GRK5: variants seen among roughly 807,000 people sequenced by gnomAD.
The protein encoded by GRK5 is g protein-coupled receptor kinase GRK5.
Under a neutral mutation model 78.4 loss-of-function variants are expected in GRK5, and 40 were observed. That is an observed-to-expected ratio of 0.51 (90% confidence interval 0.40 to 0.66). GRK5 has a LOEUF of 0.66. GRK5 is among the 30% of genes least tolerant of loss of function. The pLI is 0.00. For synonymous variants in GRK5, 289 were observed against 296.8 expected (o/e 0.97, Z 0.27); for missense variants, 598 against 759.9 (o/e 0.79, Z 2.50).
intron 2 of GRK5, among the ~76,000 whole-genome samples, chr10:119,369,314 G>A (rs890555773): frequency 2.6e-5 from 4 of 152,208 alleles, no homozygotes; most frequent in Non-Finnish European, 5.9e-5. Flanking sequence ...GCGGAGCACA[G>A]GTGAGGAAAG....
chr10:119,424,178 TTGGTTGG>T (rs1202624376), intron 5 of GRK5, among the ~76,000 whole-genome samples: 2 of 152,174 alleles, frequency 1.3e-5, no homozygotes, highest in Non-Finnish European at 2.9e-5. Context: ...GGGTGGGGTC[TTGGTTGG>T]TGACTCTGAC....
chr10:119,431,321 C>T lies in GRK5; in HGVS notation c.598-66C>T. On this transcript the variant is annotated intron_variant, in intron 7 of 15. Coordinates refer to ENST00000392870, the MANE Select transcript of GRK5 (RefSeq NM_005308.3). The surrounding 1 kb of genome is among the most constrained non-coding windows in gnomAD (Gnocchi z 4.8). ...TACCTGGGAGGCCTGTGGTCCCCGCCCTGGAGGAGCTCGGGGCAGGCCTCC... is the reference window on the plus strand; with the variant it reads ...TACCTGGGAGGCCTGTGGTCCCCGCTCTGGAGGAGCTCGGGGCAGGCCTCC... 1 of 1,552,354 alleles carries T rather than the reference C, an allele frequency of 6.4e-7. No individual in the cohort carries two copies. Among genetic ancestry groups the T allele is most frequent in the South Asian group, 1.2e-5 (1 of 81,348 alleles).
intron 2 of GRK5, among the ~76,000 whole-genome samples, chr10:119,327,506 G>A (rs949032450): frequency 2.4e-4 from 36 of 152,328 alleles, no homozygotes; most frequent in African/African-American, 7.9e-4. Context: ...GGCTGGGCAC[G>A]GGGTGGTGCT....
intron 10 of GRK5, among the ~76,000 whole-genome samples, 175 bp from the exon 11 acceptor site, chr10:119,441,824 C>T (rs1853041879): frequency 6.6e-6 from 1 of 152,210 alleles, no homozygotes; most frequent in South Asian, 2.1e-4. Flanking sequence ...TGTCCTCCCA[C>T]ACCTGCACTC....
intron 1 of GRK5, among the ~76,000 whole-genome samples, chr10:119,306,133 G>T (rs1049578985): frequency 6.6e-6 from 1 of 152,144 alleles, no homozygotes; most frequent in Non-Finnish European, 1.5e-5. Flanking sequence ...GGGGAGGGGG[G>T]AGCCTTTTGG....
At chr10:119,258,762 G>A (rs940946482) in intron 1 of GRK5, among the ~76,000 whole-genome samples, 2 of 152,194 alleles carry the variant, frequency 1.3e-5, no homozygotes, top group Non-Finnish European at 2.9e-5. Flanking sequence ...CTCCAGCAGG[G>A]GAGTGGAGAG....
intron 1 of GRK5, among the ~76,000 whole-genome samples, chr10:119,229,930 G>C (rs1156520676): frequency 6.6e-6 from 1 of 152,218 alleles, no homozygotes; most frequent in East Asian, 1.9e-4. Context: ...CATTCAGGTA[G>C]GTGTTGGAGC....
intron 1 of GRK5, among the ~76,000 whole-genome samples, chr10:119,218,255 G>A (rs1014643737): frequency 3.3e-5 from 5 of 152,110 alleles, no homozygotes; most frequent in African/African-American, 4.8e-5. Flanking sequence ...GGTACAGGAA[G>A]CCATGCTTTT....
Position 119,285,695 on chromosome 10 carries a change from C to T in GRK5, c.53-40821C>T, listed in dbSNP as rs187073182. ...GTGATGCAGAAATGGGGCGGTGACA[C>T]GGTAAAAGGAGCGGTGGCAGGCAAA... On this transcript the variant is annotated intron_variant, in intron 1 of 15. Coordinates refer to ENST00000392870, the MANE Select transcript of GRK5 (RefSeq NM_005308.3). Among the ~76,000 whole-genome samples the T allele has an allele frequency of 1.1e-3, 161 of 152,204 alleles. 1 individual carries two copies. The highest frequency in any genetic ancestry group is 0.01 in the Middle Eastern group (3 of 294).
At chr10:119,219,922 C>T (rs762522082) in intron 1 of GRK5, among the ~76,000 whole-genome samples, 2 of 152,130 alleles carry the variant, frequency 1.3e-5, no homozygotes, top group African/African-American at 2.4e-5. Flanking sequence ...CACATAACTG[C>T]TAGAATGAGG....
intron 4 of GRK5, among the ~76,000 whole-genome samples, chr10:119,407,858 C>T (rs1049901134): frequency 4.6e-5 from 7 of 152,182 alleles, no homozygotes; most frequent in Non-Finnish European, 1.0e-4. Flanking sequence ...ACCCCCATCT[C>T]TACAAAGAAA....
chr10:119,410,342 G>T (rs567886808), intron 4 of GRK5, among the ~76,000 whole-genome samples: 2 of 152,228 alleles, frequency 1.3e-5, no homozygotes, highest in African/African-American at 2.4e-5. Context: ...ACCCCTAAGC[G>T]CACTTCTTCC....
intron 1 of GRK5, among the ~76,000 whole-genome samples, chr10:119,262,746 CA>C (rs1178295959): frequency 6.6e-6 from 1 of 152,160 alleles, no homozygotes; most frequent in Admixed American, 6.5e-5. Flanking sequence ...CTTCGAGTAG[CA>C]TTGGACAGGG....
At chr10:119,211,885 A>G (rs1464914427) in intron 1 of GRK5, 2 of 152,124 alleles carry the variant, frequency 1.3e-5, no homozygotes, top group Non-Finnish European at 2.9e-5. Flanking sequence ...AAAGCCCTGG[A>G]CCTCTTTCCC....
chr10:119,254,762 A>G (rs1478009558), intron 1 of GRK5, among the ~76,000 whole-genome samples: 1 of 152,150 alleles, frequency 6.6e-6, no homozygotes, highest in Non-Finnish European at 1.5e-5. Flanking sequence ...TAAGAAAAAA[A>G]TGGAAAAACA....
intron 11 of GRK5, among the ~76,000 whole-genome samples, chr10:119,442,515 C>T (rs186407926): frequency 6.6e-6 from 1 of 152,304 alleles, no homozygotes; most frequent in East Asian, 1.9e-4. Context: ...TAGAGAGCAG[C>T]CTTGGGCTCC....
At position 119,456,433 on chromosome 10, in the gene GRK5, G is replaced by C. The variant is rs1349429983; in HGVS notation, c.*1366G>C. The C allele has an allele frequency of 6.6e-6, 1 of 152,296 alleles. No homozygotes were observed. The highest frequency in any genetic ancestry group is 1.5e-5 in the Non-Finnish European group (1 of 68,076). 9.4% of individuals were successfully genotyped at this position (152,296 alleles called of 1,614,324 possible). A position where few individuals can be genotyped will look rare whatever the true frequency, so the allele number is the denominator to read the frequency against. The stretch of plus-strand genomic sequence containing the variant: ...AGGCAGCCCCCAGACCCTTGTAGCA[G>C]GGCTGTCCATCCCCAGGGAGCAGCT... On this transcript the variant is annotated 3_prime_UTR_variant, in exon 16 of 16. Coordinates refer to ENST00000392870, the MANE Select transcript of GRK5 (RefSeq NM_005308.3). The surrounding 1 kb of genome is among the most constrained non-coding windows in gnomAD (Gnocchi z 5.5).
intron 2 of GRK5, among the ~76,000 whole-genome samples, chr10:119,372,250 C>T (rs1851558335): frequency 6.6e-6 from 1 of 152,176 alleles, no homozygotes; most frequent in South Asian, 2.1e-4. Flanking sequence ...ACCCTGCTTG[C>T]CTTTAGGATC....
chr10:119,358,978 G>T (rs1851312790), intron 2 of GRK5, among the ~76,000 whole-genome samples: 1 of 152,136 alleles, frequency 6.6e-6, no homozygotes, highest in Admixed American at 6.5e-5. Flanking sequence ...CCACCCTGAA[G>T]AATTCATTTA....
Sources: allele counts gnomAD v4.1 joint callset (sites outside exome capture counted in the v4.1 genomes callset), GRCh38; gene constraint gnomAD v4.1.1; non-coding constraint Gnocchi (gnomAD v3.1); transcripts MANE v1.5; gene names NCBI Gene and HGNC (gene_info 2026-07-23, HGNC 2026-07-21).